The following ENOX2 variants were observed in gnomAD, a reference collection of about 807,000 sequenced individuals.
ENOX2 encodes ecto-NOX disulfide-thiol exchanger 2.
In ENOX2, 36 loss-of-function variants were observed where a neutral mutation model predicts 45.0. That is an observed-to-expected ratio of 0.80 (90% CI 0.61 to 1.06). ENOX2 has a LOEUF of 1.06. Ranked by LOEUF, ENOX2 falls within the 50% of genes least tolerant of loss-of-function variation. ENOX2 has a pLI of 0.00. For missense variants in ENOX2, 423 were observed against 462.5 expected (o/e 0.91, Z 0.78); for synonymous variants, 174 against 152.3 (o/e 1.14, Z -1.05).
chrX:130,770,048 C>T (rs964122246), intron 3 of ENOX2, among the ~76,000 whole-genome samples: 1 of 111,942 alleles, frequency 8.9e-6, no homozygotes, highest in Non-Finnish European at 1.9e-5. Context: ...AACATTCCAA[C>T]GTGCCTAAGC....
chrX:130,773,776 A>G (rs949372013), intron 3 of ENOX2, among the ~76,000 whole-genome samples: 1 of 112,382 alleles, frequency 8.9e-6, no homozygotes, highest in Non-Finnish European at 1.9e-5. Flanking sequence ...CAAATGCAGA[A>G]TAAGCAAAAT....
intron 10 of ENOX2, among the ~76,000 whole-genome samples, chrX:130,637,880 T>C (rs2035973108): frequency 9.0e-6 from 1 of 110,654 alleles, no homozygotes; most frequent in Admixed American, 9.6e-5. Flanking sequence ...TTACTGAAAA[T>C]GTAAGGGGGA....
chrX:130,642,446 T>C (rs1024226738), intron 10 of ENOX2, among the ~76,000 whole-genome samples: 1 of 112,464 alleles, frequency 8.9e-6, no homozygotes, highest in Non-Finnish European at 1.9e-5. Context: ...GTGAACATTG[T>C]TGAAATGACA....
chrX:130,755,569 G>A (rs2039333879), intron 3 of ENOX2, among the ~76,000 whole-genome samples: 1 of 110,409 alleles, frequency 9.1e-6, no homozygotes, highest in Admixed American at 9.7e-5. Context: ...CTAAGCACAT[G>A]GGGTCACATG....
At chrX:130,832,561 T>C (rs1306931797) in intron 2 of ENOX2, among the ~76,000 whole-genome samples, 1 of 110,180 alleles carries the variant, frequency 9.1e-6, no homozygotes, top group East Asian at 2.9e-4. Context: ...AGTATGGCAG[T>C]CTAATACAAA....
chrX:130,632,176 C>G lies in ENOX2; in HGVS notation c.1420-600G>C, dbSNP rs145199909. Among the ~76,000 whole-genome samples the G allele has an allele frequency of 4.0e-3, 441 of 110,691 alleles. 1 individual carries two copies. Among genetic ancestry groups the G allele is most frequent in the African/African-American group, 0.012 (364 of 30,520 alleles). On this transcript the variant is annotated intron_variant, in intron 12 of 14. Transcript: ENST00000394363. Reference sequence around the variant, plus strand: ...AGCTTATATTCCACTGACAGTTAATCAACTGTTGGTTTTTGAAATAAAAAT... The same window carrying G: ...AGCTTATATTCCACTGACAGTTAATGAACTGTTGGTTTTTGAAATAAAAAT...
chrX:130,698,257 T>C (rs759732058), intron 4 of ENOX2, among the ~76,000 whole-genome samples: 5 of 111,637 alleles, frequency 4.5e-5, no homozygotes, highest in Non-Finnish European at 9.4e-5. Context: ...TTTTCAGCTA[T>C]ACAATACAGA....
rs2036550207 is a variant in ENOX2 at position 130,656,511 on chromosome X, A to G, written c.1129+70T>C. Reference sequence around the variant, plus strand: ...GGTTGATGGCCATACCTTACTGGGTATTAAAAGTTTGAAAATATCATGTCT... The same window carrying G: ...GGTTGATGGCCATACCTTACTGGGTGTTAAAAGTTTGAAAATATCATGTCT... On this transcript the variant is annotated intron_variant, in intron 10 of 14. Transcript: ENST00000394363. The G allele has an allele frequency of 1.0e-5, 7 of 670,603 alleles. No individual in the cohort carries two copies. The East Asian group carries it at 2.3e-4, about 22-fold the overall frequency. 55.3% of individuals were successfully genotyped at this position (670,603 alleles called of 1,213,427 possible).
At chrX:130,719,548 C>CT (rs1488333065) in intron 3 of ENOX2, among the ~76,000 whole-genome samples, 1 of 111,542 alleles carries the variant, frequency 9.0e-6, no homozygotes, top group Non-Finnish European at 1.9e-5. Context: ...TGCCCTCCGC[C>CT]TAACAGCTGA....
chrX:130,854,407 C>T (rs905094649), intron 2 of ENOX2, among the ~76,000 whole-genome samples: 4 of 111,414 alleles, frequency 3.6e-5, no homozygotes, highest in African/African-American at 9.8e-5. Context: ...GCCTCAAGGA[C>T]GTGTAGCACA....
chrX:130,759,072 A>T (rs2039413843), intron 3 of ENOX2, among the ~76,000 whole-genome samples: 1 of 111,203 alleles, frequency 9.0e-6, no homozygotes, highest in Non-Finnish European at 1.9e-5. Flanking sequence ...TAATTTATCA[A>T]TTTTTTTCTT....
intron 3 of ENOX2, among the ~76,000 whole-genome samples, chrX:130,746,315 A>G (rs948710472): frequency 3.6e-5 from 4 of 112,104 alleles, no homozygotes; most frequent in African/African-American, 9.7e-5. Context: ...CTGCTGTCTG[A>G]CATAGCTTCA....
chrX:130,706,493 G>A (rs1262533545), intron 3 of ENOX2, among the ~76,000 whole-genome samples: 1 of 111,194 alleles, frequency 9.0e-6, no homozygotes, highest in African/African-American at 3.3e-5. Flanking sequence ...TAAAAAGCAA[G>A]AAGCACCAAG....
At chrX:130,647,890 A>C (rs1259891240) in intron 10 of ENOX2, among the ~76,000 whole-genome samples, 1 of 111,406 alleles carries the variant, frequency 9.0e-6, no homozygotes, top group Admixed American at 9.6e-5. Flanking sequence ...CCCTTAAATA[A>C]GTTTTCTTAG....
intron 3 of ENOX2, among the ~76,000 whole-genome samples, chrX:130,777,728 C>G (rs2039890666): frequency 9.0e-6 from 1 of 111,650 alleles, no homozygotes. Context: ...TATCCTGCCT[C>G]TTTTGTGCCA....
chrX:130,893,847 T>C (rs1465216160), intron 2 of ENOX2, among the ~76,000 whole-genome samples: 1 of 111,588 alleles, frequency 9.0e-6, no homozygotes, highest in Non-Finnish European at 1.9e-5. Context: ...TCCTTTTTCC[T>C]CCCCCAAATC....
At chrX:130,894,121 A>T (rs934344434) in intron 2 of ENOX2, among the ~76,000 whole-genome samples, 1 of 111,880 alleles carries the variant, frequency 8.9e-6, no homozygotes, top group African/African-American at 3.3e-5. Context: ...CTGTATATGG[A>T]AAGAAACCCT....
At chrX:130,807,602 T>C (rs192216646) in intron 2 of ENOX2, among the ~76,000 whole-genome samples, 1 of 111,852 alleles carries the variant, frequency 8.9e-6, no homozygotes, top group East Asian at 2.8e-4. Flanking sequence ...TGGGGACTTA[T>C]ATTCTCTCTA....
intron 5 of ENOX2, among the ~76,000 whole-genome samples, chrX:130,688,262 A>C (rs1372098856): frequency 1.8e-5 from 2 of 112,509 alleles, no homozygotes; most frequent in Non-Finnish European, 3.8e-5. Context: ...AAGTGAATCT[A>C]AGGAGAAGCC....
Sources: gnomAD v4.1 joint callset for allele counts (sites outside exome capture counted in the v4.1 genomes callset) on GRCh38, gnomAD v4.1.1 for gene constraint, MANE v1.5 for transcripts, NCBI Gene and HGNC (gene_info 2026-07-23, HGNC 2026-07-21) for gene names.